Variants in MFSD1 observed in about 807,000 individuals in gnomAD.
The protein encoded by MFSD1 is lysosomal dipeptide transporter MFSD1.
In MFSD1, 59 loss-of-function variants were observed where a neutral mutation model predicts 67.1. The observed-to-expected ratio is 0.88, with a 90% CI of 0.71 to 1.09. MFSD1 has a LOEUF of 1.09. Ranked by LOEUF, MFSD1 falls within the 50% of genes least tolerant of loss-of-function variation. MFSD1 has a pLI of 0.00. For missense variants in MFSD1, 552 were observed against 566.1 expected (o/e 0.97, Z 0.25); for synonymous variants, 213 against 200.3 (o/e 1.06, Z -0.54).
chr3:158,826,368 G>A (rs560725841), intron 14 of MFSD1, among the ~76,000 whole-genome samples: 1 of 152,046 alleles, frequency 6.6e-6, no homozygotes, highest in Non-Finnish European at 1.5e-5. Flanking sequence ...GCCCCTCTGT[G>A]TTATTGTCCT....
At chr3:158,814,212 C>T in intron 7 of MFSD1, 145 bp downstream of exon 7, 2 of 559,276 alleles carry the variant, frequency 3.6e-6, no homozygotes, top group Non-Finnish European at 6.3e-6. Context: ...TTTGACACAA[C>T]TAGAAATAGG....
intron 9 of MFSD1, among the ~76,000 whole-genome samples, 173 bp from the exon 10 acceptor site, chr3:158,821,424 T>C (rs1315309479): frequency 6.6e-6 from 1 of 152,178 alleles, no homozygotes; most frequent in African/African-American, 2.4e-5. Flanking sequence ...TCAGTAAACA[T>C]TAATATAAAT....
At chr3:158,804,558 T>C (rs1224969466) in intron 2 of MFSD1, among the ~76,000 whole-genome samples, 187 bp downstream of exon 2, 1 of 152,198 alleles carries the variant, frequency 6.6e-6, no homozygotes, top group East Asian at 1.9e-4. Flanking sequence ...AAATAATTCA[T>C]TTATAGCACA....
At chr3:158,807,192 G>C in intron 4 of MFSD1, 110 bp downstream of exon 4, 1 of 1,101,202 alleles carries the variant, frequency 9.1e-7, no homozygotes, top group South Asian at 1.3e-5. Context: ...TAATTAAGCA[G>C]AACCCATAAA....
Position 158,802,090 on chromosome 3 carries a change from C to A in MFSD1, c.-63C>A. 6.3e-7 allele frequency: 1 copy of A among 1,585,058 alleles called. No individual in the cohort carries two copies. The highest frequency in any genetic ancestry group is 8.6e-7 in the Non-Finnish European group (1 of 1,169,200). On this transcript the variant is annotated 5_prime_UTR_variant, in exon 1 of 16. Transcript: ENST00000415822. ...CGCCGTCTTGACAGTGTTCCACGGG[C>A]GCTGCTTCCTGCCTGGGTTTGGAGT...
intron 7 of MFSD1, among the ~76,000 whole-genome samples, chr3:158,818,337 C>G (rs1026214086): frequency 6.6e-6 from 1 of 152,070 alleles, no homozygotes; most frequent in African/African-American, 2.4e-5. Context: ...CCTCATGCGT[C>G]TATCACTTTT....
At chr3:158,803,201 A>C (rs1248426511) in intron 1 of MFSD1, among the ~76,000 whole-genome samples, 2 of 152,208 alleles carry the variant, frequency 1.3e-5, no homozygotes, top group Non-Finnish European at 2.9e-5. Context: ...CAAAATTCTA[A>C]TATTAATTTG....
At position 158,809,221 on chromosome 3, in the gene MFSD1, T is replaced by C. The variant is rs1204434673; in HGVS notation, c.483T>C (p.Ala161=). ...TAGCAGTTGCCCAGAATACATATGC[T>C]GTGAGCTGGTTTAAAGGCAAAGAAT... ...ESLAVAQNTY[A]VSWFKGKELN... The change falls in exon 6 of 16, where the codon GCT becomes GCC. Residue 161 remains alanine, a synonymous_variant. Coordinates refer to ENST00000415822, the MANE Select transcript of MFSD1 (RefSeq NM_022736.4). 3.7e-6 allele frequency: 6 copies of C among 1,610,118 alleles called. No individual in the cohort carries two copies. Among genetic ancestry groups the C allele is most frequent in the Non-Finnish European group, 4.2e-6 (5 of 1,178,652 alleles).
Position 158,802,546 on chromosome 3 carries a change from T to C in MFSD1, c.163+231T>C, listed in dbSNP as rs111226706. On this transcript the variant is annotated intron_variant, in intron 1 of 15. Coordinates refer to ENST00000415822, the MANE Select transcript of MFSD1 (RefSeq NM_022736.4). Reference sequence around the variant, plus strand: ...TCGAGGGACTGAGCTGGGCGAGTTTTGTGGCACTCCTTTGCTCTTCAGTAA... The same window carrying C: ...TCGAGGGACTGAGCTGGGCGAGTTTCGTGGCACTCCTTTGCTCTTCAGTAA... 167 of 705,826 alleles carry C rather than the reference T, an allele frequency of 2.4e-4. 6 individuals carry two copies. Among genetic ancestry groups the C allele is most frequent in the Middle Eastern group, 2.1e-3 (9 of 4,376 alleles). 43.7% of individuals were successfully genotyped at this position (705,826 alleles called of 1,614,324 possible). A position where few individuals can be genotyped will look rare whatever the true frequency, so the allele number is the denominator to read the frequency against.
chr3:158,824,316 A>G, intron 13 of MFSD1, 80 bp downstream of exon 13: 3 of 1,009,120 alleles, frequency 3.0e-6, no homozygotes, highest in Non-Finnish European at 4.5e-6. Flanking sequence ...CATAGCTCCC[A>G]GATTTGCCTA....
intron 2 of MFSD1, 70 bp downstream of exon 2, chr3:158,804,441 A>T: frequency 8.0e-7 from 1 of 1,253,748 alleles, no homozygotes; most frequent in Non-Finnish European, 1.2e-6. Flanking sequence ...GGCATTATCA[A>T]CCCTCAGGTG....
chr3:158,825,687 G>A lies in MFSD1; in HGVS notation c.1289-328G>A, dbSNP rs567591321. 2.6e-5 allele frequency among the ~76,000 whole-genome samples: 4 copies of A among 152,212 alleles called. No individual in the cohort carries two copies. The South Asian group carries it at 8.3e-4, about 32-fold the overall frequency. Reference sequence around the variant, plus strand: ...CAATCGGGGGCTGGCAGGAGTTTTTGGTAAGTCCTGCAAAGGACCAGCACT... The same window carrying A: ...CAATCGGGGGCTGGCAGGAGTTTTTAGTAAGTCCTGCAAAGGACCAGCACT... On this transcript the variant is annotated intron_variant, in intron 13 of 15. Coordinates refer to ENST00000415822, the MANE Select transcript of MFSD1 (RefSeq NM_022736.4).
At chr3:158,808,929 C>A in intron 5 of MFSD1, 1 of 384,180 alleles carries the variant, frequency 2.6e-6, no homozygotes, top group Non-Finnish European at 4.7e-6. Context: ...TGGTTCAGGG[C>A]TCCAAGTGCG....
intron 3 of MFSD1, among the ~76,000 whole-genome samples, chr3:158,806,797 C>G (rs1457547850): frequency 6.6e-6 from 1 of 152,058 alleles, no homozygotes; most frequent in African/African-American, 2.4e-5. Flanking sequence ...ATTGCTAAAG[C>G]CTCCGGAATC....
chr3:158,827,542 G>A (rs1438957926), intron 15 of MFSD1, among the ~76,000 whole-genome samples: 1 of 151,226 alleles, frequency 6.6e-6, no homozygotes, highest in African/African-American at 2.4e-5. Flanking sequence ...AGCCTCCCAA[G>A]TAGCTGGGAC....
Position 158,824,113 on chromosome 3 carries a change from T to A in MFSD1, c.1176-11T>A, listed in dbSNP as rs552975715. ...AAAATGAAATGTGTCTTTATATTTC[T>A]TCCATTGTAGCATGCAGTCCATTCA... On this transcript the variant is annotated splice_polypyrimidine_tract_variant and intron_variant, in intron 12 of 15. Coordinates refer to ENST00000415822, the MANE Select transcript of MFSD1 (RefSeq NM_022736.4). 9.0e-5 allele frequency: 143 copies of A among 1,588,106 alleles called. 1 individual carries two copies. The South Asian group carries it at 1.4e-3, about 16-fold the overall frequency.
intron 7 of MFSD1, among the ~76,000 whole-genome samples, chr3:158,815,303 T>C (rs1730266651): frequency 6.6e-6 from 1 of 151,814 alleles, no homozygotes; most frequent in African/African-American, 2.4e-5. Flanking sequence ...AGTTCTGTCA[T>C]CTTGGATAAG....
intron 2 of MFSD1, among the ~76,000 whole-genome samples, chr3:158,804,764 G>T (rs1729638908): frequency 6.6e-6 from 1 of 152,076 alleles, no homozygotes. Flanking sequence ...TTTAAATGTG[G>T]ATACTGATTG....
chr3:158,802,372 G>T, intron 1 of MFSD1, 57 bp downstream of exon 1: 1 of 1,596,802 alleles, frequency 6.3e-7, no homozygotes, highest in Non-Finnish European at 8.6e-7. Context: ...CTTTCTCTTC[G>T]AGGTAGATCG....
Sources: allele counts gnomAD v4.1 joint callset (sites outside exome capture counted in the v4.1 genomes callset), GRCh38; gene constraint gnomAD v4.1.1; transcripts MANE v1.5; gene names NCBI Gene and HGNC (gene_info 2026-07-23, HGNC 2026-07-21).